The following LMBR1 variants were observed in gnomAD, a reference collection of about 807,000 sequenced individuals.
The protein encoded by LMBR1 is limb region 1 protein homolog.
LMBR1 carries 52 observed loss-of-function variants against 73.9 expected under a neutral mutation model. The observed-to-expected ratio is 0.70, with a 90% CI of 0.56 to 0.89. The LOEUF (loss-of-function observed/expected upper bound fraction) is 0.89, where lower values mean the gene tolerates loss of function less well. Ranked by LOEUF, LMBR1 falls within the 40% of genes least tolerant of loss-of-function variation. The pLI, the probability that LMBR1 is intolerant of heterozygous loss-of-function variation, is 0.00. For synonymous variants in LMBR1, 215 were observed against 209.4 expected (o/e 1.03, Z -0.23); for missense variants, 539 against 579.8 (o/e 0.93, Z 0.72).
At chr7:156,725,004 A>C (rs1815421651) in intron 14 of LMBR1, among the ~76,000 whole-genome samples, 4 of 152,170 alleles carry the variant, frequency 2.6e-5, no homozygotes, top group Admixed American at 2.6e-4. Flanking sequence ...TCAGACTACA[A>C]AATGTTTCTG....
chr7:156,860,931 T>C (rs1797631508), intron 1 of LMBR1, among the ~76,000 whole-genome samples: 1 of 152,262 alleles, frequency 6.6e-6, no homozygotes, highest in African/African-American at 2.4e-5. Context: ...TTCTGTCTGC[T>C]TTCACCAGCT....
chr7:156,849,904 T>G (rs900712173), intron 1 of LMBR1, among the ~76,000 whole-genome samples: 34 of 152,160 alleles, frequency 2.2e-4, no homozygotes, highest in African/African-American at 8.0e-4. Flanking sequence ...ATGCTGATAA[T>G]GGCCAAGGCT....
intron 1 of LMBR1, among the ~76,000 whole-genome samples, chr7:156,872,926 C>T (rs1278976979): frequency 6.6e-6 from 1 of 152,120 alleles, no homozygotes; most frequent in Admixed American, 6.5e-5. Context: ...GGAGGCAGTC[C>T]AAATGTGTCC....
intron 5 of LMBR1, among the ~76,000 whole-genome samples, chr7:156,793,297 T>C (rs1366200328): frequency 6.6e-6 from 1 of 152,216 alleles, no homozygotes; most frequent in South Asian, 2.1e-4. Context: ...CTCAAATGTA[T>C]GCTTAACACA....
At chr7:156,799,127 A>T (rs1830515248) in intron 4 of LMBR1, among the ~76,000 whole-genome samples, 1 of 151,706 alleles carries the variant, frequency 6.6e-6, no homozygotes, top group Non-Finnish European at 1.5e-5. Flanking sequence ...GCTTGAACCC[A>T]GCAGGCAGAG....
chr7:156,783,384 G>A (rs1827494615), intron 5 of LMBR1, among the ~76,000 whole-genome samples: 1 of 151,846 alleles, frequency 6.6e-6, no homozygotes. Flanking sequence ...TCGCTATGTT[G>A]CCCAGGCTAG....
At chr7:156,728,816 A>T (rs1816285283) in intron 10 of LMBR1, 96 bp from the exon 11 acceptor site, 1 of 851,542 alleles carries the variant, frequency 1.2e-6, no homozygotes, top group Non-Finnish European at 1.8e-6. Flanking sequence ...ATTTCTTTTT[A>T]AAAAACATAA....
intron 1 of LMBR1, among the ~76,000 whole-genome samples, chr7:156,873,669 A>C (rs1799692490): frequency 6.6e-6 from 1 of 152,096 alleles, no homozygotes; most frequent in African/African-American, 2.4e-5. Flanking sequence ...AGGTTCTCCA[A>C]GGCCCCACCA....
At chr7:156,831,652 G>A (rs551075855) in intron 3 of LMBR1, among the ~76,000 whole-genome samples, 33 of 152,176 alleles carry the variant, frequency 2.2e-4, no homozygotes, top group Non-Finnish European at 3.4e-4. Flanking sequence ...CCCGTGACTC[G>A]GAAAACCCAA....
intron 1 of LMBR1, among the ~76,000 whole-genome samples, chr7:156,849,624 A>G (rs1041557598): frequency 3.9e-5 from 6 of 152,344 alleles, no homozygotes; most frequent in African/African-American, 1.4e-4. Context: ...GGAAAAGGCA[A>G]AACAAAACTG....
At chr7:156,710,745 G>A (rs1811906682) in intron 15 of LMBR1, among the ~76,000 whole-genome samples, 1 of 152,150 alleles carries the variant, frequency 6.6e-6, no homozygotes, top group Non-Finnish European at 1.5e-5. Context: ...CAAAACGAAG[G>A]AAAGAATCTT....
At chr7:156,857,377 C>T (rs1797116956) in intron 1 of LMBR1, among the ~76,000 whole-genome samples, 3 of 152,082 alleles carry the variant, frequency 2.0e-5, no homozygotes, top group Non-Finnish European at 4.4e-5. Context: ...AGAAAATTAT[C>T]AGGACAAAGA....
At chr7:156,888,981 G>A (rs1254883025) in intron 1 of LMBR1, among the ~76,000 whole-genome samples, 3 of 152,046 alleles carry the variant, frequency 2.0e-5, no homozygotes, top group Admixed American at 6.5e-5. Flanking sequence ...TTGAACCAGG[G>A]AGGGAGAGGT....
rs1283471020 is a variant in LMBR1, at chr7:156,681,750, T to C, written c.*2328A>G. 1 of 152,330 alleles carries C rather than the reference T, an allele frequency of 6.6e-6. No homozygotes were observed. Among genetic ancestry groups the C allele is most frequent in the African/African-American group, 2.4e-5 (1 of 41,470 alleles). 9.4% of individuals were successfully genotyped at this position (152,330 alleles called of 1,614,324 possible). On this transcript the variant is annotated 3_prime_UTR_variant, in exon 17 of 17. Transcript: ENST00000353442. ...GATGATGAGCATCTGCAGCTCTGCCTTCCAGGGTCTATCTCCTCTCTTTCA... is the reference window on the plus strand; with the variant it reads ...GATGATGAGCATCTGCAGCTCTGCCCTCCAGGGTCTATCTCCTCTCTTTCA...
chr7:156,749,997 C>T (rs190192961), intron 9 of LMBR1, among the ~76,000 whole-genome samples: 1 of 152,082 alleles, frequency 6.6e-6, no homozygotes, highest in Admixed American at 6.5e-5. Flanking sequence ...GAGAATCAAG[C>T]AGGAAAGTAA....
chr7:156,878,143 A>C (rs569341766), intron 1 of LMBR1, among the ~76,000 whole-genome samples: 74 of 152,192 alleles, frequency 4.9e-4, no homozygotes, highest in Non-Finnish European at 8.7e-4. Flanking sequence ...GAACTAGAAC[A>C]AGAAAAGGAT....
intron 15 of LMBR1, among the ~76,000 whole-genome samples, chr7:156,691,864 ATT>A (rs879644310): frequency 1.3e-5 from 2 of 152,196 alleles, no homozygotes; most frequent in Non-Finnish European, 2.9e-5. Flanking sequence ...CCTCTAAACC[ATT>A]TTTTTGAAAT....
rs980521345 is a variant in LMBR1 at position 156,881,326 on chromosome 7, A to G, written c.66+11602T>C. Among the ~76,000 whole-genome samples, 7 of 152,228 alleles carry G rather than the reference A, an allele frequency of 4.6e-5. No individual in the cohort carries two copies. The East Asian group carries it at 1.3e-3, about 29-fold the overall frequency. On this transcript the variant is annotated intron_variant, in intron 1 of 16. Coordinates refer to ENST00000353442, the MANE Select transcript of LMBR1 (RefSeq NM_022458.4). The stretch of plus-strand genomic sequence containing the variant: ...GCAGTCTTCTCTTACACCATACACA[A>G]AAATCAACTTACAAAGGATTAAAGA...
chr7:156,720,566 G>A (rs1286954274), intron 15 of LMBR1, among the ~76,000 whole-genome samples: 1 of 151,952 alleles, frequency 6.6e-6, no homozygotes, highest in Non-Finnish European at 1.5e-5. Flanking sequence ...TATTCTTAAA[G>A]ATCTCAACTG....
Sources: allele counts gnomAD v4.1 joint callset (sites outside exome capture counted in the v4.1 genomes callset), GRCh38; gene constraint gnomAD v4.1.1; transcripts MANE v1.5; gene names NCBI Gene and HGNC (gene_info 2026-07-23, HGNC 2026-07-21).